Variants in KCNJ3 observed in about 807,000 individuals in gnomAD.
KCNJ3 encodes potassium inwardly rectifying channel subfamily J member 3.
KCNJ3 carries 4 observed loss-of-function variants against 39.2 expected under a neutral mutation model. The observed-to-expected ratio is 0.10, with a 90% confidence interval of 0.05 to 0.23. The LOEUF (loss-of-function observed/expected upper bound fraction) is 0.23, where lower values mean the gene tolerates loss of function less well. Among genes scored for constraint, KCNJ3 ranks in the 10% least tolerant of loss-of-function variants. The pLI is 1.00. For synonymous variants in KCNJ3, 230 were observed against 237.4 expected (o/e 0.97, Z 0.29); for missense variants, 276 against 634.9 (o/e 0.43, Z 6.08).
intron 2 of KCNJ3, among the ~76,000 whole-genome samples, chr2:154,735,022 G>A (rs1685502945): frequency 6.6e-6 from 1 of 152,010 alleles, no homozygotes; most frequent in Admixed American, 6.5e-5. Flanking sequence ...AAAGTCAAGT[G>A]ATAGTGACGG....
chr2:154,729,293 T>A (rs901812231), intron 2 of KCNJ3, among the ~76,000 whole-genome samples: 22 of 152,196 alleles, frequency 1.4e-4, no homozygotes, highest in African/African-American at 4.8e-4. Flanking sequence ...AAAATTTATA[T>A]GTTTTGCAAC....
At chr2:154,821,613 A>T (rs936544412) in intron 2 of KCNJ3, among the ~76,000 whole-genome samples, 7 of 151,520 alleles carry the variant, frequency 4.6e-5, no homozygotes, top group Non-Finnish European at 1.0e-4. Context: ...ACTTTTCCAA[A>T]AAAAGAAAAA....
intron 2 of KCNJ3, among the ~76,000 whole-genome samples, chr2:154,774,896 TTC>T (rs1686305116): frequency 7.0e-6 from 1 of 143,652 alleles, no homozygotes; most frequent in Non-Finnish European, 1.5e-5. Flanking sequence ...TTACTAACTT[TTC>T]TCTTTTTTTG....
intron 2 of KCNJ3, among the ~76,000 whole-genome samples, chr2:154,781,016 G>T (rs142167769): frequency 6.6e-6 from 1 of 152,076 alleles, no homozygotes; most frequent in Non-Finnish European, 1.5e-5. Context: ...CACTGTAATC[G>T]CAGTTGGTCC....
At chr2:154,777,684 A>G (rs931280386) in intron 2 of KCNJ3, among the ~76,000 whole-genome samples, 5 of 152,140 alleles carry the variant, frequency 3.3e-5, no homozygotes, top group African/African-American at 9.7e-5. Flanking sequence ...GGATTTTGGG[A>G]ATGTTTTAAT....
intron 2 of KCNJ3, among the ~76,000 whole-genome samples, chr2:154,796,882 C>A (rs1686729417): frequency 6.6e-6 from 1 of 152,072 alleles, no homozygotes; most frequent in African/African-American, 2.4e-5. Flanking sequence ...TTTCAAAATA[C>A]TTGCATCAAA....
chr2:154,822,397 C>G (rs1366428889), intron 2 of KCNJ3, among the ~76,000 whole-genome samples: 1 of 152,170 alleles, frequency 6.6e-6, no homozygotes, highest in Non-Finnish European at 1.5e-5. Context: ...ATGACATTTA[C>G]AAATGGTCTG....
At chr2:154,741,236 CT>C (rs1047905236) in intron 2 of KCNJ3, among the ~76,000 whole-genome samples, 3 of 151,908 alleles carry the variant, frequency 2.0e-5, no homozygotes, top group African/African-American at 7.2e-5. Flanking sequence ...AGTCACACAG[CT>C]AGTTAATGGT....
Position 154,857,926 on chromosome 2 carries a change from A to AAAAAAAAAAAAAC in KCNJ3, c.*2614_*2615insAAAAAAAAAAACA, listed in dbSNP as rs1687870277. 1 of 121,554 alleles carries AAAAAAAAAAAAAC rather than the reference A, an allele frequency of 8.2e-6. No homozygotes were observed. The highest frequency in any genetic ancestry group is 1.7e-5 in the Non-Finnish European group (1 of 57,962). The allele number at this position is 121,554 out of a possible 1,614,324, so 7.5% of individuals were successfully genotyped here. On this transcript the variant is annotated 3_prime_UTR_variant, in exon 3 of 3. Transcript: ENST00000295101. ...AAAAAAAAAAAAAAAAAAAAAAAAA[A>AAAAAAAAAAAAAC]AGAATAAAAACAGGGTAACATAATG...
intron 2 of KCNJ3, among the ~76,000 whole-genome samples, chr2:154,710,153 A>T (rs1472335162): frequency 6.6e-6 from 1 of 152,070 alleles, no homozygotes; most frequent in East Asian, 1.9e-4. Flanking sequence ...AGGCTCAAAA[A>T]AGTAGGGTAA....
intron 2 of KCNJ3, among the ~76,000 whole-genome samples, chr2:154,769,166 A>T: frequency 6.6e-6 from 1 of 152,142 alleles, no homozygotes. Context: ...TTCCTAATTG[A>T]ATACCCTTTA....
intron 2 of KCNJ3, among the ~76,000 whole-genome samples, chr2:154,745,326 TTAAC>T (rs1017159030): frequency 3.3e-5 from 5 of 152,026 alleles, no homozygotes; most frequent in Admixed American, 2.0e-4. Context: ...GCAAAAGTCT[TTAAC>T]TATTGCTGAC....
At chr2:154,787,828 T>C (rs1686560842) in intron 2 of KCNJ3, among the ~76,000 whole-genome samples, 2 of 152,310 alleles carry the variant, frequency 1.3e-5, no homozygotes, top group African/African-American at 4.8e-5. Flanking sequence ...ACATCATTTG[T>C]TAGTCATTTC....
At chr2:154,796,003 G>C (rs556769632) in intron 2 of KCNJ3, among the ~76,000 whole-genome samples, 23 of 152,190 alleles carry the variant, frequency 1.5e-4, no homozygotes, top group African/African-American at 5.5e-4. Flanking sequence ...TAGTTTTAGT[G>C]TTCTTTTCTT....
At chr2:154,762,200 G>T (rs1225709591) in intron 2 of KCNJ3, among the ~76,000 whole-genome samples, 1 of 152,102 alleles carries the variant, frequency 6.6e-6, no homozygotes, top group Non-Finnish European at 1.5e-5. Flanking sequence ...TAAGTTTGTG[G>T]CAATTTTTTT....
chr2:154,717,292 G>T (rs1255103325), intron 2 of KCNJ3, among the ~76,000 whole-genome samples: 1 of 152,266 alleles, frequency 6.6e-6, no homozygotes, highest in Middle Eastern at 3.4e-3. Flanking sequence ...ATTAGCCCTG[G>T]ATAACAGTTT....
chr2:154,732,233 G>A lies in KCNJ3; in HGVS notation c.919+22414G>A, dbSNP rs542280406. On this transcript the variant is annotated intron_variant, in intron 2 of 2. Coordinates refer to ENST00000295101, the MANE Select transcript of KCNJ3 (RefSeq NM_002239.4). ...AGTGAGTTTTGCACCTTGCATACGT[G>A]TGCATTTTTTATTTCTAAATGTCTT... 2.7e-3 allele frequency among the ~76,000 whole-genome samples: 409 copies of A among 152,164 alleles called. 3 individuals carry two copies. The highest frequency in any genetic ancestry group is 9.4e-3 in the African/African-American group (389 of 41,566).
intron 2 of KCNJ3, among the ~76,000 whole-genome samples, chr2:154,830,165 G>A (rs993853686): frequency 2.0e-5 from 3 of 152,152 alleles, no homozygotes; most frequent in Non-Finnish European, 4.4e-5. Flanking sequence ...TTCCCTCTTT[G>A]ATATAAGCTA....
At chr2:154,823,744 T>C (rs1250067297) in intron 2 of KCNJ3, among the ~76,000 whole-genome samples, 1 of 152,222 alleles carries the variant, frequency 6.6e-6, no homozygotes, top group Non-Finnish European at 1.5e-5. Flanking sequence ...TCACAATATT[T>C]ATACATATAC....
Sources: gnomAD v4.1 joint callset for allele counts (sites outside exome capture counted in the v4.1 genomes callset) on GRCh38, gnomAD v4.1.1 for gene constraint, MANE v1.5 for transcripts, NCBI Gene and HGNC (gene_info 2026-07-23, HGNC 2026-07-21) for gene names.